The following PKP4 variants were observed in gnomAD, a reference collection of about 807,000 sequenced individuals.
PKP4 encodes plakophilin 4, also known as plakophilin-4.
A neutral mutation model predicts 145.1 loss-of-function variants in PKP4; 90 were observed. The observed-to-expected ratio is 0.62, with a 90% confidence interval of 0.52 to 0.74. The LOEUF (loss-of-function observed/expected upper bound fraction) is 0.74. PKP4 is among the 30% of genes least tolerant of loss of function. The pLI, the probability that PKP4 is intolerant of heterozygous loss-of-function variation, is 0.00. For missense variants in PKP4, 1,340 were observed against 1,482.7 expected (o/e 0.90, Z 1.58); for synonymous variants, 563 against 577.2 (o/e 0.98, Z 0.35).
intron 10 of PKP4, among the ~76,000 whole-genome samples, chr2:158,642,003 T>A (rs2054327673): frequency 6.6e-6 from 1 of 151,472 alleles, no homozygotes; most frequent in Non-Finnish European, 1.5e-5. Context: ...TCTACAAGAG[T>A]GTCCTTAGAA....
intron 1 of PKP4, among the ~76,000 whole-genome samples, chr2:158,503,486 CATAT>C (rs1696880636): frequency 6.6e-6 from 1 of 152,166 alleles, no homozygotes; most frequent in Admixed American, 6.5e-5. Flanking sequence ...GTTATATTCT[CATAT>C]ATAAACTCAT....
chr2:158,619,578 C>T (rs1313446823), intron 4 of PKP4, among the ~76,000 whole-genome samples: 1 of 152,140 alleles, frequency 6.6e-6, no homozygotes, highest in Non-Finnish European at 1.5e-5. Flanking sequence ...AATCAGCAGT[C>T]CCTAAGAAGT....
rs780172409 is a variant in PKP4 at position 158,640,763 on chromosome 2, C to G, written c.1695+4C>G. On this transcript the variant is annotated splice_donor_region_variant and intron_variant, in intron 10 of 21. Coordinates refer to ENST00000389759, the MANE Select transcript of PKP4 (RefSeq NM_003628.6). ...TGACAACAAAGTGAAGATGGAGGTA[C>G]AGGACATGGTGCCTGGGATGACTGG... The G allele has an allele frequency of 4.3e-6, 7 of 1,613,918 alleles. 1 individual carries two copies. In the South Asian group the frequency reaches 4.4e-5, roughly 10 times the overall value.
At chr2:158,526,006 A>T (rs1452808483) in intron 1 of PKP4, among the ~76,000 whole-genome samples, 1 of 151,308 alleles carries the variant, frequency 6.6e-6, no homozygotes, top group African/African-American at 2.4e-5. Context: ...TTTACCAACC[A>T]AAAAGAGTCC....
intron 20 of PKP4, among the ~76,000 whole-genome samples, chr2:158,677,728 A>AGCTC (rs2058130808): frequency 1.3e-5 from 2 of 152,224 alleles, no homozygotes; most frequent in Admixed American, 1.3e-4. Context: ...GGCAATTAAT[A>AGCTC]GCTCAGAAAA....
At chr2:158,589,000 T>C (rs1018366422) in intron 3 of PKP4, 1 of 152,136 alleles carries the variant, frequency 6.6e-6, no homozygotes, top group African/African-American at 2.4e-5. Context: ...ATGCCTGTAT[T>C]TTATTATTTT....
chr2:158,670,564 T>C (rs964957057), intron 17 of PKP4, among the ~76,000 whole-genome samples: 7 of 152,148 alleles, frequency 4.6e-5, no homozygotes, highest in African/African-American at 1.7e-4. Context: ...CCTGGAAGAA[T>C]TGGAAATGCC....
intron 20 of PKP4, 56 bp from the exon 21 acceptor site, chr2:158,678,525 C>A: frequency 1.6e-6 from 2 of 1,264,536 alleles, no homozygotes; most frequent in South Asian, 1.2e-5. Context: ...ACCACCCAGC[C>A]TAATGGACCA....
chr2:158,485,427 A>G (rs919740671), intron 1 of PKP4, among the ~76,000 whole-genome samples: 3 of 152,214 alleles, frequency 2.0e-5, no homozygotes, highest in Admixed American at 1.3e-4. Context: ...CCACGTTACT[A>G]TCTGAGATGA....
At position 158,554,430 on chromosome 2, in the gene PKP4, T is replaced by TTATTA. The variant is rs71882338; in HGVS notation, c.132+21115_132+21116insATTAT. Among the ~76,000 whole-genome samples the TTATTA allele has an allele frequency of 1.3e-4, 11 of 87,306 alleles. No individual in the cohort carries two copies. In the East Asian group the frequency reaches 2.6e-3, roughly 21 times the overall value. 57.3% of individuals were successfully genotyped at this position (87,306 alleles called of 152,430 possible). On this transcript the variant is annotated intron_variant, in intron 2 of 21. Coordinates refer to ENST00000389759, the MANE Select transcript of PKP4 (RefSeq NM_003628.6). Reference sequence around the variant, plus strand: ...CACTCAGAAATAATTATTATTATTATTTTTTTTTTTTTTGAGACGGAGTCT... The same window carrying TTATTA: ...CACTCAGAAATAATTATTATTATTATTATTATTTTTTTTTTTTTGAGACGGAGTCT...
intron 7 of PKP4, among the ~76,000 whole-genome samples, chr2:158,629,280 T>C (rs540115277): frequency 6.6e-6 from 1 of 152,282 alleles, no homozygotes; most frequent in African/African-American, 2.4e-5. Flanking sequence ...TTCCTCACCA[T>C]GTGCCGTTGC....
chr2:158,677,653 A>G (rs570486326), intron 20 of PKP4, among the ~76,000 whole-genome samples: 4 of 152,350 alleles, frequency 2.6e-5, no homozygotes, highest in Admixed American at 2.6e-4. Context: ...GGCAGTCTCC[A>G]TTGTACTGTT....
At chr2:158,547,000 T>G (rs1025338324) in intron 2 of PKP4, among the ~76,000 whole-genome samples, 2 of 152,218 alleles carry the variant, frequency 1.3e-5, no homozygotes, top group African/African-American at 4.8e-5. Flanking sequence ...GCCTACAGTC[T>G]AAATTCAGTC....
At chr2:158,561,933 C>G (rs544187439) in intron 2 of PKP4, among the ~76,000 whole-genome samples, 2 of 149,578 alleles carry the variant, frequency 1.3e-5, no homozygotes, top group East Asian at 3.9e-4. Flanking sequence ...CCCCCAGCCC[C>G]CCACCCCCCG....
chr2:158,623,443 A>G (rs999504114), intron 6 of PKP4, among the ~76,000 whole-genome samples: 2 of 152,042 alleles, frequency 1.3e-5, no homozygotes, highest in African/African-American at 4.8e-5. Context: ...TCAGTCTCCC[A>G]ATGTGTAGGG....
chr2:158,495,724 C>T (rs1327870127), intron 1 of PKP4, among the ~76,000 whole-genome samples: 2 of 151,548 alleles, frequency 1.3e-5, no homozygotes, highest in African/African-American at 4.9e-5. Context: ...ATCCCAACTA[C>T]TCAGGAGGCT....
At chr2:158,563,202 T>C (rs1426278767) in intron 2 of PKP4, among the ~76,000 whole-genome samples, 1 of 152,188 alleles carries the variant, frequency 6.6e-6, no homozygotes, top group Non-Finnish European at 1.5e-5. Flanking sequence ...TAGTAAAAAT[T>C]GGGATTGTAG....
intron 17 of PKP4, among the ~76,000 whole-genome samples, chr2:158,671,114 GC>G (rs2057521175): frequency 6.6e-6 from 1 of 152,068 alleles, no homozygotes; most frequent in Admixed American, 6.5e-5. Context: ...TCGGTTCACT[GC>G]TATATCCTTG....
At chr2:158,583,254 G>C (rs536013705) in intron 3 of PKP4, among the ~76,000 whole-genome samples, 1 of 152,174 alleles carries the variant, frequency 6.6e-6, no homozygotes, top group Non-Finnish European at 1.5e-5. Context: ...ACTGGATACA[G>C]TGAGAGTAAA....
Sources: gnomAD v4.1 joint callset for allele counts (sites outside exome capture counted in the v4.1 genomes callset) on GRCh38, gnomAD v4.1.1 for gene constraint, MANE v1.5 for transcripts, NCBI Gene and HGNC (gene_info 2026-07-23, HGNC 2026-07-21) for gene names.